Variants in AGBL4 observed in about 807,000 individuals in gnomAD.
AGBL4 encodes AGBL carboxypeptidase 4.
AGBL4 carries 58 observed loss-of-function variants against 66.4 expected under a neutral mutation model. That is an observed-to-expected ratio of 0.87 (90% CI 0.71 to 1.09). The LOEUF (loss-of-function observed/expected upper bound fraction) is 1.09. Ranked by LOEUF, AGBL4 falls within the 50% of genes least tolerant of loss-of-function variation. The probability of loss-of-function intolerance (pLI) is 0.00; values close to 1 mark genes in which losing one functional copy is unlikely to be tolerated. For synonymous variants in AGBL4, 234 were observed against 222.9 expected, an observed-to-expected ratio of 1.05 and a Z score of -0.44; for missense variants, 579 against 631.0, an observed-to-expected ratio of 0.92 and a Z score of 0.88.
At chr1:49,371,286 T>TACATACACAC (rs1491563540) in intron 3 of AGBL4, among the ~76,000 whole-genome samples, 5 of 145,722 alleles carry the variant, frequency 3.4e-5, no homozygotes, top group African/African-American at 1.3e-4. Flanking sequence ...CATACATACA[T>TACATACACAC]ACACACACAC....
At chr1:49,367,001 C>A (rs1414985139) in intron 3 of AGBL4, among the ~76,000 whole-genome samples, 1 of 152,176 alleles carries the variant, frequency 6.6e-6, no homozygotes, top group East Asian at 1.9e-4. Flanking sequence ...ACATTTATAC[C>A]TTTCTGAATG....
intron 1 of AGBL4, among the ~76,000 whole-genome samples, chr1:49,910,601 T>C (rs1436994148): frequency 6.6e-6 from 1 of 151,720 alleles, no homozygotes; most frequent in Non-Finnish European, 1.5e-5. Context: ...AGATAAATTT[T>C]TATGGGAAGG....
chr1:49,563,612 T>C (rs1644111804), intron 3 of AGBL4, among the ~76,000 whole-genome samples: 1 of 152,194 alleles, frequency 6.6e-6, no homozygotes, highest in Non-Finnish European at 1.5e-5. Flanking sequence ...GGATTACATT[T>C]ATTGATTTTC....
intron 3 of AGBL4, among the ~76,000 whole-genome samples, chr1:49,598,663 G>A (rs1424594914): frequency 6.6e-6 from 1 of 152,122 alleles, no homozygotes; most frequent in Non-Finnish European, 1.5e-5. Flanking sequence ...TCGGGGGTCA[G>A]GGGTCAGGGA....
intron 6 of AGBL4, among the ~76,000 whole-genome samples, chr1:48,832,862 T>A (rs1553241272): frequency 6.6e-6 from 1 of 152,220 alleles, no homozygotes; most frequent in Non-Finnish European, 1.5e-5. Context: ...CCTCAGACTC[T>A]GACTTATACC....
chr1:48,590,270 G>A (rs933072806), intron 10 of AGBL4, among the ~76,000 whole-genome samples: 1 of 152,006 alleles, frequency 6.6e-6, no homozygotes, highest in Admixed American at 6.6e-5. Flanking sequence ...GGCGGGTGTG[G>A]TGGCGCATGC....
intron 6 of AGBL4, among the ~76,000 whole-genome samples, chr1:48,763,262 A>G (rs1265193121): frequency 6.6e-6 from 1 of 152,144 alleles, no homozygotes; most frequent in Non-Finnish European, 1.5e-5. Flanking sequence ...TTGGGTTCCT[A>G]TTTTCACAAT....
intron 9 of AGBL4, among the ~76,000 whole-genome samples, chr1:48,611,338 C>T (rs752757358): frequency 6.6e-6 from 1 of 152,206 alleles, no homozygotes; most frequent in Non-Finnish European, 1.5e-5. Context: ...GAGAAAGACT[C>T]TTCGGGGAGG....
chr1:49,435,206 G>C (rs1230437570), intron 3 of AGBL4, among the ~76,000 whole-genome samples: 1 of 152,124 alleles, frequency 6.6e-6, no homozygotes. Flanking sequence ...CATGGTACCA[G>C]AATTACGTCT....
chr1:49,819,765 C>T (rs182441692), intron 2 of AGBL4, among the ~76,000 whole-genome samples: 35 of 152,196 alleles, frequency 2.3e-4, no homozygotes, highest in Non-Finnish European at 2.1e-4. Context: ...GGGAGGTTTG[C>T]GTGGCAATAA....
At chr1:48,784,917 T>C (rs1013446012) in intron 6 of AGBL4, among the ~76,000 whole-genome samples, 1 of 152,246 alleles carries the variant, frequency 6.6e-6, no homozygotes, top group Non-Finnish European at 1.5e-5. Context: ...AACCAACATT[T>C]GAATTCGTTT....
At chr1:48,920,648 C>T (rs1162315763) in intron 5 of AGBL4, among the ~76,000 whole-genome samples, 3 of 152,168 alleles carry the variant, frequency 2.0e-5, no homozygotes, top group Admixed American at 6.6e-5. Context: ...GGCTGAGTGC[C>T]TTGCTTAAGG....
chr1:49,840,981 T>C (rs1482824249), intron 2 of AGBL4, among the ~76,000 whole-genome samples: 1 of 152,132 alleles, frequency 6.6e-6, no homozygotes, highest in Non-Finnish European at 1.5e-5. Context: ...TTATTTTACA[T>C]AGTACTAGAA....
At chr1:49,435,568 T>G (rs1645886707) in intron 3 of AGBL4, among the ~76,000 whole-genome samples, 1 of 152,186 alleles carries the variant, frequency 6.6e-6, no homozygotes, top group Admixed American at 6.5e-5. Flanking sequence ...GAGAAACATG[T>G]CAGAAGTCAC....
intron 5 of AGBL4, among the ~76,000 whole-genome samples, chr1:49,034,592 T>C (rs1199218779): frequency 2.6e-5 from 4 of 152,092 alleles, no homozygotes; most frequent in Admixed American, 2.0e-4. Flanking sequence ...AATCCCCATG[T>C]GTTGTGGGAG....
chr1:49,011,354 T>A (rs1481726679), intron 5 of AGBL4, among the ~76,000 whole-genome samples: 1 of 151,468 alleles, frequency 6.6e-6, no homozygotes. Context: ...CCAGTTAGAA[T>A]GGCAATCATT....
chr1:48,809,476 C>G (rs563096397), intron 6 of AGBL4, among the ~76,000 whole-genome samples: 1 of 152,032 alleles, frequency 6.6e-6, no homozygotes, highest in South Asian at 2.1e-4. Context: ...CAGGATGGGC[C>G]GAACAAGAAA....
chr1:49,132,563 T>C (rs916720039), intron 4 of AGBL4, among the ~76,000 whole-genome samples: 4 of 152,126 alleles, frequency 2.6e-5, no homozygotes, highest in Non-Finnish European at 4.4e-5. Context: ...ACTGGAAGCA[T>C]GTATTTTAGA....
chr1:48,798,653 GT>G (rs1645744594), intron 6 of AGBL4, among the ~76,000 whole-genome samples: 1 of 152,106 alleles, frequency 6.6e-6, no homozygotes, highest in Non-Finnish European at 1.5e-5. Context: ...GGTTACTTAG[GT>G]TTAAATCTTT....
Sources: gnomAD v4.1 joint callset for allele counts (sites outside exome capture counted in the v4.1 genomes callset) on GRCh38, gnomAD v4.1.1 for gene constraint, MANE v1.5 for transcripts, NCBI Gene and HGNC (gene_info 2026-07-23, HGNC 2026-07-21) for gene names.